The following ERBB2 variants were observed in gnomAD, a reference collection of about 807,000 sequenced individuals.
The protein encoded by ERBB2 is erb-b2 receptor tyrosine kinase 2.
Under a neutral mutation model 149.0 loss-of-function variants are expected in ERBB2, and 61 were observed. The ratio of observed to expected loss-of-function variants is 0.41; its 90% confidence interval spans 0.33 to 0.51. ERBB2 has a LOEUF of 0.51. Among genes scored for constraint, ERBB2 ranks in the 20% least tolerant of loss-of-function variants. The probability of loss-of-function intolerance (pLI) is 0.25; values close to 1 mark genes in which losing one functional copy is unlikely to be tolerated. For missense variants in ERBB2, 1,205 were observed against 1,655.1 expected, an observed-to-expected ratio of 0.73 and a Z score of 4.72; for synonymous variants, 633 against 678.8, an observed-to-expected ratio of 0.93 and a Z score of 1.05.
chr17:39,710,269 G>C (rs2058719504), intron 6 of ERBB2, 68 bp downstream of exon 6: 4 of 1,608,534 alleles, frequency 2.5e-6, no homozygotes, highest in Non-Finnish European at 3.4e-6. Context: ...CACCCTGCCT[G>C]GTACTGCCCT....
In ERBB2 at chr17:39,700,205, C is replaced by A. The variant is rs2145265614; in HGVS notation, c.-34C>A. On this transcript the variant is annotated 5_prime_UTR_variant, in exon 1 of 27. Transcript: ENST00000269571. ...CCCGCGCCCTCCCAGCCGGGTCCAG[C>A]CGGAGCCATGGGGCCGGAGCCGCAG... 7.0e-7 allele frequency: 1 copy of A among 1,420,440 alleles called. No homozygotes were observed. The highest frequency in any genetic ancestry group is 9.2e-7 in the Non-Finnish European group (1 of 1,091,348). The allele number at this position is 1,420,440 out of a possible 1,614,324, so 88.0% of individuals were successfully genotyped here.
In ERBB2 at chr17:39,708,310, C is replaced by T. The variant is rs749576316; in HGVS notation, c.226-11C>T. 1.3e-5 allele frequency: 21 copies of T among 1,608,382 alleles called. No homozygotes were observed. The highest frequency in any genetic ancestry group is 5.3e-5 in the African/African-American group (4 of 74,826). ...TTCCTATTTCAGCCCCACTCTGCTT[C>T]CCCCTCCCAGGATATCCAGGAGGTG... is the stretch of plus-strand genomic sequence containing the variant. On this transcript the variant is annotated splice_polypyrimidine_tract_variant and intron_variant, in intron 2 of 26. Coordinates refer to ENST00000269571, the MANE Select transcript of ERBB2 (RefSeq NM_004448.4).
intron 15 of ERBB2, 22 bp from the exon 16 acceptor site, chr17:39,719,765 G>C (rs574438468): frequency 6.2e-7 from 1 of 1,613,756 alleles, no homozygotes; most frequent in African/African-American, 1.3e-5. Context: ...CAGAATTGTT[G>C]ATGAGACTGT....
intron 16 of ERBB2, among the ~76,000 whole-genome samples, chr17:39,722,964 C>T (rs746488772): frequency 1.3e-5 from 2 of 152,094 alleles, no homozygotes; most frequent in Non-Finnish European, 2.9e-5. Flanking sequence ...ACCTTGTGAT[C>T]TGCCCACCTC....
In ERBB2 at chr17:39,722,615, G is replaced by A. The variant is rs1427140473; in HGVS notation, c.1947-704G>A. ...CTGGCAGTGTAAATGTTCTGAGCAC[G>A]TGTAAGCCAGGCTAGGTGTCTTAAA... is the stretch of plus-strand genomic sequence containing the variant. On this transcript the variant is annotated intron_variant, in intron 16 of 26. Transcript: ENST00000269571. Among the ~76,000 whole-genome samples, 6 of 152,178 alleles carry A rather than the reference G, an allele frequency of 3.9e-5. No individual in the cohort carries two copies. The South Asian group carries it at 6.2e-4, about 16-fold the overall frequency.
chr17:39,704,940 G>A (rs1040797359), intron 1 of ERBB2, among the ~76,000 whole-genome samples: 5 of 152,160 alleles, frequency 3.3e-5, no homozygotes. Context: ...TTGGCGTGGG[G>A]TGTGGGGTGG....
chr17:39,712,228 G>A (rs2058845962), intron 8 of ERBB2, 94 bp from the exon 9 acceptor site: 3 of 1,564,074 alleles, frequency 1.9e-6, no homozygotes, highest in Non-Finnish European at 1.7e-6. Flanking sequence ...GTCAGTGTGG[G>A]GAGGGGCCCG....
rs2145653495 is a variant in ERBB2 at position 39,715,796 on chromosome 17, C to T, written c.1370C>T (p.Ser457Leu). 2.5e-6 allele frequency: 4 copies of T among 1,609,994 alleles called. No individual in the cohort carries two copies. The highest frequency in any genetic ancestry group is 1.3e-5 in the African/African-American group (1 of 75,066). The change falls in exon 12 of 27, where the codon TCA (serine) becomes TTA (leucine). Residue 457 changes from serine to leucine, a missense_variant. Physicochemically the swap from Ser to Leu is moderately radical, Grantham distance 145 (BLOSUM62 -2). Around this residue, in one of 6 missense-constraint regions of ERBB2, gnomAD observed 569 missense variants for 803.5 expected, o/e 0.71. Coordinates refer to ENST00000269571, the MANE Select transcript of ERBB2 (RefSeq NM_004448.4). ...GLGISWLGLRSLRELGSGLAL... is the reference protein window; with the variant it reads ...GLGISWLGLRLLRELGSGLAL... ...GGCATCAGCTGGCTGGGGCTGCGCTCACTGAGGGAACTGGGCAGTGGACTG... is the reference window on the plus strand; with the variant it reads ...GGCATCAGCTGGCTGGGGCTGCGCTTACTGAGGGAACTGGGCAGTGGACTG...
upstream of ERBB2, chr17:39,693,457 T>C (rs1177616814): frequency 3.3e-5 from 5 of 152,214 alleles, no homozygotes; most frequent in African/African-American, 9.7e-5. Flanking sequence ...TTGCTATTGA[T>C]AAGTATTCTG....
chr17:39,728,286 A>C lies in ERBB2; in HGVS notation c.*242A>C, dbSNP rs986684752. The C allele has an allele frequency of 2.3e-6, 1 of 443,756 alleles. No individual in the cohort carries two copies. 27.5% of individuals were successfully genotyped at this position (443,756 alleles called of 1,614,324 possible). ...TTTGTGGATTCTGAGGCCCTGCCCA[A>C]TGAGACTCTAGGGTCCAGTGGATGC... is the stretch of plus-strand genomic sequence containing the variant. On this transcript the variant is annotated 3_prime_UTR_variant, in exon 27 of 27. Transcript: ENST00000269571.
chr17:39,722,777 A>G (rs2088126), intron 16 of ERBB2, among the ~76,000 whole-genome samples: 97,791 of 151,436 alleles, frequency 0.65, 31,977 homozygotes, highest in South Asian at 0.73. Flanking sequence ...GTGCAGTGGC[A>G]CAATCTCAGC....
rs2145687737 is a variant in ERBB2, at chr17:39,716,561, C to T, written c.1693C>T (p.Pro565Ser). 1 of 1,614,160 alleles carries T rather than the reference C, an allele frequency of 6.2e-7. No individual in the cohort carries two copies. Among genetic ancestry groups the T allele is most frequent in the African/African-American group, 1.3e-5 (1 of 75,030 alleles). The change falls in exon 14 of 27, where the codon CCT (proline) becomes TCT (serine). Residue 565 changes from proline (P) to serine (S), a missense_variant. Pro to Ser is a moderately conservative substitution (Grantham distance 74, BLOSUM62 -1). Around this residue, in one of 6 missense-constraint regions of ERBB2, gnomAD observed 569 missense variants for 803.5 expected, o/e 0.71. Transcript: ENST00000269571. ...VNARHCLPCHPECQPQNGSVT... is the reference protein window; with the variant it reads ...VNARHCLPCHSECQPQNGSVT... ...TGCCAGGCACTGTTTGCCGTGCCAC[C>T]CTGAGTGTCAGCCCCAGAATGGCTC...
chr17:39,694,262 T>TATATACACAA (rs1567888141), upstream of ERBB2, among the ~76,000 whole-genome samples: 1 of 28,906 alleles, frequency 3.5e-5, no homozygotes, highest in Non-Finnish European at 7.8e-5. Context: ...TATATATATA[T>TATATACACAA]ATATATGTGT....
At chr17:39,697,422 C>T (rs1372147746), upstream of ERBB2, among the ~76,000 whole-genome samples, 1 of 143,700 alleles carries the variant, frequency 7.0e-6, no homozygotes, top group African/African-American at 2.6e-5. Context: ...ATGGCGCGAT[C>T]TTGGCTCACC....
rs1207166582 is a variant in ERBB2, at chr17:39,716,420, C to T, written c.1633C>T (p.Arg545Ter). The T allele has an allele frequency of 6.2e-7, 1 of 1,609,622 alleles. No individual in the cohort carries two copies. Among genetic ancestry groups the T allele is most frequent in the South Asian group, 1.1e-5 (1 of 90,878 alleles). Residue 545 changes from arginine (R) to a stop codon, truncating the protein, a stop_gained, in exon 13 of 27, where the codon CGA becomes TGA. Transcript: ENST00000269571. LOFTEE classifies it high-confidence loss of function. ...GGGCCAGGAGTGCGTGGAGGAATGC[C>T]GAGTACTGCAGGGGTATGAGGGGCG... ...LRGQECVEEC[R>*]VLQGLPREYV...
At chr17:39,719,666 T>A in intron 15 of ERBB2, 121 bp from the exon 16 acceptor site, 1 of 970,552 alleles carries the variant, frequency 1.0e-6, no homozygotes, top group Non-Finnish European at 1.7e-6. Flanking sequence ...GCCCAGTTTC[T>A]GCCTTTGTCA....
At chr17:39,719,954 C>A in intron 16 of ERBB2, 120 bp downstream of exon 16, 1 of 893,330 alleles carries the variant, frequency 1.1e-6, no homozygotes, top group Non-Finnish European at 1.9e-6. Flanking sequence ...CACTCTTCCA[C>A]TGTGGAACCT....
chr17:39,709,591 G>A, intron 4 of ERBB2, 139 bp downstream of exon 4: 5 of 1,029,526 alleles, frequency 4.9e-6, no homozygotes, highest in Non-Finnish European at 7.2e-6. Context: ...TGTCCCTCCT[G>A]CCATCTCCCT....
In ERBB2 at chr17:39,728,541, GT is replaced by G; in HGVS notation, c.*504del. 4.3e-6 allele frequency: 1 copy of G among 234,572 alleles called. No homozygotes were observed. The highest frequency in any genetic ancestry group is 6.0e-5 in the East Asian group (1 of 16,722). 14.5% of individuals were successfully genotyped at this position (234,572 alleles called of 1,614,324 possible). ...GTTTAGTTTTTACTTTTTTTGTTTT[GT>G]TTTTTTAAAGATGAAATAAAGACCC... On this transcript the variant is annotated 3_prime_UTR_variant, in exon 27 of 27. Transcript: ENST00000269571.
Sources: gnomAD v4.1 joint callset for allele counts (sites outside exome capture counted in the v4.1 genomes callset) on GRCh38, gnomAD v4.1.1 for gene constraint, gnomAD v4.1.1 regional missense constraint, MANE v1.5 for transcripts, NCBI Gene and HGNC (gene_info 2026-07-23, HGNC 2026-07-21) for gene names.